ERC1: variants seen among roughly 807,000 people sequenced by gnomAD.
ERC1 encodes ELKS/RAB6-interacting/CAST family member 1.
Under a neutral mutation model 132.0 loss-of-function variants are expected in ERC1, and 56 were observed. The ratio of observed to expected loss-of-function variants is 0.42; its 90% CI spans 0.34 to 0.53. ERC1 has a LOEUF of 0.53. Among genes scored for constraint, ERC1 ranks in the 20% least tolerant of loss-of-function variants. The pLI, the probability that ERC1 is intolerant of heterozygous loss-of-function variation, is 0.03. For missense variants in ERC1, 1,202 were observed against 1,349.9 expected, an observed-to-expected ratio of 0.89 and a Z score of 1.72; for synonymous variants, 478 against 476.1, an observed-to-expected ratio of 1.00 and a Z score of -0.05.
At chr12:1,289,741 G>C (rs947787473) in intron 14 of ERC1, 111 bp from the exon 15 acceptor site, 3 of 736,858 alleles carry the variant, frequency 4.1e-6, no homozygotes, top group African/African-American at 1.8e-5. Context: ...AATTTTCAAT[G>C]TGTTCCTGCG....
At chr12:1,396,324 AT>A (rs750104504) in intron 16 of ERC1, among the ~76,000 whole-genome samples, 6 of 152,340 alleles carry the variant, frequency 3.9e-5, no homozygotes, top group Non-Finnish European at 8.8e-5. Flanking sequence ...TTGCCAAAAA[AT>A]ATATGTCGTC....
chr12:1,285,554 T>G (rs976929019), intron 14 of ERC1, among the ~76,000 whole-genome samples: 2 of 152,208 alleles, frequency 1.3e-5, no homozygotes, highest in Non-Finnish European at 2.9e-5. Flanking sequence ...TGCCAGCACA[T>G]TTGAAAATTT....
intron 15 of ERC1, among the ~76,000 whole-genome samples, chr12:1,307,002 G>T (rs2080931192): frequency 6.6e-6 from 1 of 152,160 alleles, no homozygotes; most frequent in African/African-American, 2.4e-5. Flanking sequence ...GGGAAGTGCT[G>T]ACGGGCTCCG....
intron 17 of ERC1, among the ~76,000 whole-genome samples, chr12:1,440,297 T>A (rs12311764): frequency 3.5e-5 from 5 of 140,892 alleles, no homozygotes; most frequent in Non-Finnish European, 7.7e-5. Flanking sequence ...CTCCGCCTCC[T>A]GGGTTCACGC....
chr12:1,310,387 T>A (rs1362630796), intron 15 of ERC1, among the ~76,000 whole-genome samples: 1 of 152,100 alleles, frequency 6.6e-6, no homozygotes, highest in Non-Finnish European at 1.5e-5. Context: ...TTTTGTATTT[T>A]TAGTAGAGAT....
chr12:1,061,228 A>G (rs2154175427), intron 2 of ERC1, among the ~76,000 whole-genome samples: 1 of 151,896 alleles, frequency 6.6e-6, no homozygotes, highest in Non-Finnish European at 1.5e-5. Flanking sequence ...TTCCTTTTTC[A>G]TTTCAGATTT....
intron 16 of ERC1, among the ~76,000 whole-genome samples, chr12:1,394,639 A>G (rs941358921): frequency 6.6e-5 from 10 of 152,026 alleles, no homozygotes; most frequent in Non-Finnish European, 1.2e-4. Context: ...TGATGGTTTA[A>G]AAGTGTGCGA....
chr12:1,443,015 C>G (rs2093202414), intron 17 of ERC1, among the ~76,000 whole-genome samples: 1 of 151,894 alleles, frequency 6.6e-6, no homozygotes, highest in Admixed American at 6.6e-5. Flanking sequence ...TCACACCATT[C>G]TCCTGCCTCT....
chr12:1,309,253 G>A (rs1038622820), intron 15 of ERC1, among the ~76,000 whole-genome samples: 3 of 152,088 alleles, frequency 2.0e-5, no homozygotes, highest in South Asian at 4.2e-4. Context: ...GCATGATGTC[G>A]TATTGAACTG....
intron 12 of ERC1, among the ~76,000 whole-genome samples, chr12:1,192,840 G>A (rs1955867433): frequency 6.6e-6 from 1 of 152,126 alleles, no homozygotes; most frequent in Admixed American, 6.5e-5. Context: ...TACCTCTTTA[G>A]GTACCCTACT....
At chr12:1,368,652 G>C (rs1489441715) in intron 15 of ERC1, among the ~76,000 whole-genome samples, 1 of 152,134 alleles carries the variant, frequency 6.6e-6, no homozygotes, top group African/African-American at 2.4e-5. Flanking sequence ...CTGTCTACTA[G>C]CTTTCACATT....
At chr12:1,477,312 C>T (rs2093994081) in intron 18 of ERC1, among the ~76,000 whole-genome samples, 1 of 152,078 alleles carries the variant, frequency 6.6e-6, no homozygotes, top group Admixed American at 6.6e-5. Context: ...ATAATAAATG[C>T]CCAGTAAGTT....
intron 18 of ERC1, among the ~76,000 whole-genome samples, chr12:1,450,737 G>A (rs960329795): frequency 1.3e-5 from 2 of 152,132 alleles, no homozygotes; most frequent in Non-Finnish European, 2.9e-5. Context: ...TTTCCACAGC[G>A]GCTGTACCAA....
chr12:1,147,737 G>A (rs1199858265), intron 8 of ERC1, among the ~76,000 whole-genome samples: 1 of 152,088 alleles, frequency 6.6e-6, no homozygotes, highest in Non-Finnish European at 1.5e-5. Flanking sequence ...TTGTGAGGAG[G>A]GGAGTGATTT....
At chr12:1,106,946 G>GAGAA (rs987036343) in intron 4 of ERC1, among the ~76,000 whole-genome samples, 1 of 152,182 alleles carries the variant, frequency 6.6e-6, no homozygotes, top group African/African-American at 2.4e-5. Flanking sequence ...AGAAATAGCT[G>GAGAA]TGTTGCTGAG....
intron 2 of ERC1, among the ~76,000 whole-genome samples, chr12:1,035,037 A>G (rs900133511): frequency 3.3e-5 from 5 of 152,242 alleles, no homozygotes; most frequent in Admixed American, 1.3e-4. Flanking sequence ...CTAAAATTGT[A>G]TAACTTTGGT....
chr12:1,279,553 C>T (rs1566469129), intron 14 of ERC1, among the ~76,000 whole-genome samples: 1 of 151,292 alleles, frequency 6.6e-6, no homozygotes, highest in Non-Finnish European at 1.5e-5. Context: ...AAAGTTAGAG[C>T]GATGTGAAAA....
At chr12:1,418,637 T>C (rs12826343) in intron 17 of ERC1, among the ~76,000 whole-genome samples, 4,280 of 66,484 alleles carry the variant, frequency 0.064, 386 homozygotes, top group African/African-American at 0.25. Flanking sequence ...CTTTCTTTCT[T>C]TCTTTCTCTC....
chr12:1,402,688 C>T (rs1169318660), intron 16 of ERC1, among the ~76,000 whole-genome samples: 1 of 145,820 alleles, frequency 6.9e-6, no homozygotes, highest in Non-Finnish European at 1.5e-5. Flanking sequence ...AAATAGAAAA[C>T]AAGCTGTAAG....
Sources: gnomAD v4.1 joint callset for allele counts (sites outside exome capture counted in the v4.1 genomes callset) on GRCh38, gnomAD v4.1.1 for gene constraint, MANE v1.5 for transcripts, NCBI Gene and HGNC (gene_info 2026-07-23, HGNC 2026-07-21) for gene names.